Variants in KAZN observed in about 807,000 individuals in gnomAD.
KAZN encodes the protein kazrin, periplakin interacting protein.
A neutral mutation model predicts 87.4 loss-of-function variants in KAZN; 40 were observed. The observed-to-expected ratio is 0.46, with a 90% CI of 0.36 to 0.60. The LOEUF (loss-of-function observed/expected upper bound fraction) is 0.60. KAZN is among the 20% of genes least tolerant of loss of function. The pLI is 0.00. For synonymous variants in KAZN, 466 were observed against 458.3 expected (o/e 1.02, Z -0.22); for missense variants, 898 against 1,073.9 (o/e 0.84, Z 2.29).
At chr1:14,774,302 A>G (rs1645109950) in intron 1 of KAZN, among the ~76,000 whole-genome samples, 1 of 152,058 alleles carries the variant, frequency 6.6e-6, no homozygotes, top group African/African-American at 2.4e-5. Context: ...TGGGATCATA[A>G]TGCCAACCCC....
chr1:14,418,096 T>C (rs1664976961), intron 2 of KAZN, among the ~76,000 whole-genome samples: 1 of 134,424 alleles, frequency 7.4e-6, no homozygotes, highest in African/African-American at 2.8e-5. Flanking sequence ...CAGGAGATGA[T>C]CCATACAGAG....
intron 1 of KAZN, among the ~76,000 whole-genome samples, chr1:14,634,823 A>G (rs1417755701): frequency 6.6e-6 from 1 of 152,202 alleles, no homozygotes; most frequent in African/African-American, 2.4e-5. Flanking sequence ...CCTCTTCCTC[A>G]GCAGGAATCC....
chr1:14,223,946 A>G (rs1647170991), intron 2 of KAZN, among the ~76,000 whole-genome samples: 1 of 152,192 alleles, frequency 6.6e-6, no homozygotes, highest in South Asian at 2.1e-4. Context: ...AGTATCTTCA[A>G]CAAACACGAA....
At chr1:14,095,416 A>G (rs965602444) in intron 1 of KAZN, among the ~76,000 whole-genome samples, 9 of 152,226 alleles carry the variant, frequency 5.9e-5, no homozygotes, top group African/African-American at 2.2e-4. Context: ...CTGTTGCTAT[A>G]TAACAAACCA....
chr1:14,100,558 C>A (rs189291949), intron 1 of KAZN, among the ~76,000 whole-genome samples: 81 of 152,314 alleles, frequency 5.3e-4, no homozygotes, highest in Non-Finnish European at 9.0e-4. Context: ...TTAATTCTCT[C>A]AGCAATGAGC....
At chr1:14,639,278 A>C (rs1049049090) in intron 1 of KAZN, among the ~76,000 whole-genome samples, 6 of 152,206 alleles carry the variant, frequency 3.9e-5, no homozygotes, top group Non-Finnish European at 7.3e-5. Context: ...TGAACAGGGC[A>C]GGGAAATCTG....
chr1:14,083,765 C>CATCATATAT (rs1643763364), intron 1 of KAZN, among the ~76,000 whole-genome samples: 1 of 152,198 alleles, frequency 6.6e-6, no homozygotes, highest in Non-Finnish European at 1.5e-5. Context: ...ATATTAGACT[C>CATCATATAT]ATATCTCATC....
intron 2 of KAZN, among the ~76,000 whole-genome samples, chr1:14,249,626 G>A (rs1649826833): frequency 6.6e-6 from 1 of 152,200 alleles, no homozygotes; most frequent in African/African-American, 2.4e-5. Context: ...CTGAGCCCCA[G>A]AAGAAAGGGA....
At chr1:15,049,773 C>T (rs1674101858) in intron 4 of KAZN, among the ~76,000 whole-genome samples, 1 of 152,118 alleles carries the variant, frequency 6.6e-6, no homozygotes, top group Non-Finnish European at 1.5e-5. Context: ...CCTGTAATCC[C>T]AGCACTTTGG....
intron 2 of KAZN, among the ~76,000 whole-genome samples, chr1:14,204,744 C>T (rs1183454107): frequency 6.6e-6 from 1 of 152,090 alleles, no homozygotes; most frequent in Non-Finnish European, 1.5e-5. Flanking sequence ...TAATTTCTGC[C>T]CAGGCATGTA....
chr1:14,239,477 T>TTTTTA (rs1648732601), intron 2 of KAZN, among the ~76,000 whole-genome samples: 1 of 146,416 alleles, frequency 6.8e-6, no homozygotes, highest in Non-Finnish European at 1.5e-5. Context: ...TTTTTTTTTT[T>TTTTTA]GAGGTGGAGT....
chr1:13,961,145 A>T (rs1641734543), intron 1 of KAZN, among the ~76,000 whole-genome samples: 1 of 151,896 alleles, frequency 6.6e-6, no homozygotes, highest in Non-Finnish European at 1.5e-5. Flanking sequence ...TCTTCTTCCA[A>T]CTTATAATGT....
At chr1:14,946,291 C>T (rs147174679) in intron 1 of KAZN, 40 of 151,766 alleles carry the variant, frequency 2.6e-4, no homozygotes, top group African/African-American at 9.7e-4. Flanking sequence ...GCTCAGACCC[C>T]AGTCTGGACT....
At chr1:13,926,736 C>A (rs1045758544) in intron 1 of KAZN, among the ~76,000 whole-genome samples, 2 of 151,792 alleles carry the variant, frequency 1.3e-5, no homozygotes, top group African/African-American at 4.8e-5. Flanking sequence ...AAATCAGTAT[C>A]TTAAGGTGAC....
At chr1:14,641,140 A>G (rs12078599) in intron 1 of KAZN, among the ~76,000 whole-genome samples, 3,475 of 152,242 alleles carry the variant, frequency 0.023, 157 homozygotes, top group African/African-American at 0.08. Context: ...TGGGTCATGG[A>G]GCTAAGAAGT....
chr1:14,720,581 T>C (rs1643042659), intron 1 of KAZN, among the ~76,000 whole-genome samples: 1 of 152,230 alleles, frequency 6.6e-6, no homozygotes, highest in Non-Finnish European at 1.5e-5. Flanking sequence ...CTGCCTCATA[T>C]TCTTGCAATA....
At chr1:14,854,769 G>C (rs1489778589) in intron 1 of KAZN, among the ~76,000 whole-genome samples, 1 of 152,084 alleles carries the variant, frequency 6.6e-6, no homozygotes, top group Non-Finnish European at 1.5e-5. Context: ...CATGAGTTTG[G>C]ATGGGGACAA....
chr1:14,427,013 C>T (rs1047093257), intron 2 of KAZN, among the ~76,000 whole-genome samples: 3 of 152,332 alleles, frequency 2.0e-5, no homozygotes, highest in South Asian at 2.1e-4. Flanking sequence ...ACAGACTTGA[C>T]GCTTCCTGTT....
At chr1:14,228,676 C>T (rs540907341) in intron 2 of KAZN, among the ~76,000 whole-genome samples, 2 of 152,318 alleles carry the variant, frequency 1.3e-5, no homozygotes, top group Admixed American at 6.5e-5. Context: ...TCTTCTGAAT[C>T]TCATCTTCTT....
Sources: gnomAD v4.1 joint callset for allele counts (sites outside exome capture counted in the v4.1 genomes callset) on GRCh38, gnomAD v4.1.1 for gene constraint, MANE v1.5 for transcripts, NCBI Gene and HGNC (gene_info 2026-07-23, HGNC 2026-07-21) for gene names.